Variants in IQSEC3 observed in about 807,000 individuals in gnomAD.
IQSEC3 encodes IQ motif and SEC7 domain-containing protein 3.
Under a neutral mutation model 105.4 loss-of-function variants are expected in IQSEC3, and 50 were observed. The observed-to-expected ratio is 0.47, with a 90% CI of 0.38 to 0.60. IQSEC3 has a LOEUF of 0.60. Ranked by LOEUF, IQSEC3 falls within the 20% of genes least tolerant of loss-of-function variation. The probability of loss-of-function intolerance (pLI) is 0.00; values close to 1 mark genes in which losing one functional copy is unlikely to be tolerated. For missense variants in IQSEC3, 1,415 were observed against 1,630.0 expected (o/e 0.87, Z 2.27); for synonymous variants, 708 against 746.0 (o/e 0.95, Z 0.83).
chr12:133,717 T>C (rs1351199810), intron 3 of IQSEC3, among the ~76,000 whole-genome samples: 1 of 150,132 alleles, frequency 6.7e-6, no homozygotes, highest in Non-Finnish European at 1.5e-5. Flanking sequence ...CATTTGCTCC[T>C]GGAGTGAGGC....
intron 1 of IQSEC3, among the ~76,000 whole-genome samples, chr12:90,366 T>C (rs7294904): frequency 0.58 from 88,897 of 152,112 alleles, 26,945 homozygotes; most frequent in African/African-American, 0.68. Flanking sequence ...TTTTGTTTCG[T>C]GGCTTGTGCT....
At position 165,763 on chromosome 12, in the gene IQSEC3, C is replaced by G. The variant is rs782297475; in HGVS notation, c.2844C>G (p.Leu948=). Residue 948 remains leucine, a synonymous_variant, in exon 11 of 14, where the codon CTC becomes CTG. Transcript: ENST00000538872. ...ATGGCATCACACTGGTGACCCCGCT[C>G]TCGGGCTCCGAGAAGAAGCAGGTGC... ...YSHGITLVTP[L]SGSEKKQVLH... is the part of the protein sequence containing the mutation. 6.2e-7 allele frequency: 1 copy of G among 1,613,942 alleles called. No individual in the cohort carries two copies. Among genetic ancestry groups the G allele is most frequent in the Non-Finnish European group, 8.5e-7 (1 of 1,180,036 alleles).
At chr12:159,617 T>C (rs1350563465) in intron 7 of IQSEC3, among the ~76,000 whole-genome samples, 4 of 152,202 alleles carry the variant, frequency 2.6e-5, no homozygotes, top group African/African-American at 9.7e-5. Flanking sequence ...GCTGGCCTTT[T>C]GTCTGTTACT....
chr12:123,453 T>C (rs892759723), intron 2 of IQSEC3, among the ~76,000 whole-genome samples: 5 of 151,994 alleles, frequency 3.3e-5, no homozygotes, highest in Non-Finnish European at 7.4e-5. Context: ...AAATAAATAA[T>C]AATTTTAAAA....
chr12:120,399 A>G (rs1555081675), intron 2 of IQSEC3, among the ~76,000 whole-genome samples: 1 of 152,290 alleles, frequency 6.6e-6, no homozygotes. Context: ...GGATGAGGGT[A>G]GAAAGGGAGA....
At position 139,155 on chromosome 12, in the gene IQSEC3, A is replaced by G; in HGVS notation, c.1792A>G (p.Ser598Gly). The stretch of plus-strand genomic sequence containing the variant: ...CGAGGCAGGCGACTTGGAGCAGCTG[A>G]GCAGCAGCAGCACGTCCACCAAGTC... Reference protein sequence around the residue: ...EAEAGDLEQLSSSSTSTKSAK... With the variant: ...EAEAGDLEQLGSSSTSTKSAK... The change falls in exon 4 of 14, where the codon AGC becomes GGC. Residue 598 changes from serine to glycine, a missense_variant. By Grantham distance (56) the Ser-to-Gly change is moderately conservative. This residue lies in a region of IQSEC3 where 720 missense variants were observed against 633.0 expected (regional missense o/e 1.14). Coordinates refer to ENST00000538872, the MANE Select transcript of IQSEC3 (RefSeq NM_001170738.2). The G allele has an allele frequency of 6.4e-7, 1 of 1,555,426 alleles. No individual in the cohort carries two copies. The highest frequency in any genetic ancestry group is 1.2e-5 in the South Asian group (1 of 84,494).
intron 2 of IQSEC3, among the ~76,000 whole-genome samples, chr12:118,886 G>A (rs1369054433): frequency 2.0e-5 from 3 of 152,218 alleles, no homozygotes; most frequent in African/African-American, 4.8e-5. Flanking sequence ...AGCCCAGAGA[G>A]GCTCACTACC....
chr12:176,415 G>A lies in IQSEC3; in HGVS notation c.*1382G>A, dbSNP rs573015840. On this transcript the variant is annotated 3_prime_UTR_variant, in exon 14 of 14. Transcript: ENST00000538872. The surrounding 1 kb of genome is among the most constrained non-coding windows in gnomAD (Gnocchi z 4.0). ...CCAAGCCTGGCCAGGCTCCAGTCCTGTGCCAGTAGCTCACTGCTGTCCTAT... is the reference window on the plus strand; with the variant it reads ...CCAAGCCTGGCCAGGCTCCAGTCCTATGCCAGTAGCTCACTGCTGTCCTAT... 55 of 152,432 alleles carry A rather than the reference G, an allele frequency of 3.6e-4. No homozygotes were observed. The highest frequency in any genetic ancestry group is 1.3e-3 in the African/African-American group (54 of 41,558). 9.4% of individuals were successfully genotyped at this position (152,432 alleles called of 1,614,324 possible). A position where few individuals can be genotyped will look rare whatever the true frequency, so the allele number is the denominator to read the frequency against.
chr12:136,551 C>G (rs61450164), intron 3 of IQSEC3, among the ~76,000 whole-genome samples: 8,447 of 152,198 alleles, frequency 0.056, 287 homozygotes, highest in East Asian at 0.15. Flanking sequence ...TATGGCCTTT[C>G]TATCTGTACC....
intron 1 of IQSEC3, among the ~76,000 whole-genome samples, chr12:91,774 C>A (rs1413186855): frequency 2.0e-5 from 3 of 151,950 alleles, no homozygotes; most frequent in East Asian, 3.9e-4. Flanking sequence ...GAGTGAGACC[C>A]TGTCTCAAAA....
chr12:130,303 C>A (rs534985459), intron 3 of IQSEC3, among the ~76,000 whole-genome samples: 1 of 152,226 alleles, frequency 6.6e-6, no homozygotes, highest in South Asian at 2.1e-4. Context: ...GTTATCTCCC[C>A]GGGTCTGCAC....
At chr12:98,721 G>A (rs782462204) in intron 1 of IQSEC3, among the ~76,000 whole-genome samples, 2 of 152,206 alleles carry the variant, frequency 1.3e-5, no homozygotes, top group Non-Finnish European at 2.9e-5. Context: ...TTCACTGCAC[G>A]CAATTCTGTG....
intron 2 of IQSEC3, among the ~76,000 whole-genome samples, chr12:107,402 CT>C (rs58053657): frequency 5.4e-3 from 408 of 75,968 alleles, no homozygotes; most frequent in Middle Eastern, 0.017. Context: ...AGTCTGTTTT[CT>C]TTTTTTTTTT....
chr12:102,755 C>A (rs531064178), intron 2 of IQSEC3, among the ~76,000 whole-genome samples: 98 of 152,312 alleles, frequency 6.4e-4, no homozygotes, highest in African/African-American at 2.3e-3. Flanking sequence ...GTGGGAACAC[C>A]TGAAATTGAG....
rs543667807 is a variant in IQSEC3, at chr12:100,530, C to A, written c.623+1316C>A. The stretch of plus-strand genomic sequence containing the variant: ...GCCTCATAGGGGAGCCAGCAGAGGT[C>A]AGAGAAAGAGGCGGGGCTCTGAGGA... On this transcript the variant is annotated intron_variant, in intron 2 of 13. Transcript: ENST00000538872. Among the ~76,000 whole-genome samples, 7 of 152,240 alleles carry A rather than the reference C, an allele frequency of 4.6e-5. No homozygotes were observed. The East Asian group carries it at 1.4e-3, about 29-fold the overall frequency.
chr12:101,835 T>C (rs377493127), intron 2 of IQSEC3, among the ~76,000 whole-genome samples: 127 of 152,142 alleles, frequency 8.3e-4, no homozygotes, highest in African/African-American at 3.1e-3. Context: ...CTAAGATAAG[T>C]TTTCCCTGAT....
At chr12:77,730 G>A (rs1362443833) in intron 1 of IQSEC3, 1 of 277,348 alleles carries the variant, frequency 3.6e-6, no homozygotes, top group Non-Finnish European at 5.5e-6. Context: ...CGTAAAACCC[G>A]GGAGCAGCAG....
intron 5 of IQSEC3, 65 bp from the exon 6 acceptor site, chr12:156,960 G>A (rs573417150): frequency 7.6e-6 from 11 of 1,444,802 alleles, no homozygotes; most frequent in African/African-American, 4.3e-5. Flanking sequence ...AGAGGCCAGC[G>A]AGAATGGGTG....
rs559136277 is a variant in IQSEC3, at chr12:83,025, A to T, written c.554+15589A>T. On this transcript the variant is annotated intron_variant, in intron 1 of 13. Coordinates refer to ENST00000538872, the MANE Select transcript of IQSEC3 (RefSeq NM_001170738.2). The stretch of plus-strand genomic sequence containing the variant: ...AGTTCCCTGCTGGAAAACCATCAGG[A>T]TATATCAGCCTGGGCACACTCACTT... Among the ~76,000 whole-genome samples, 201 of 152,336 alleles carry T rather than the reference A, an allele frequency of 1.3e-3. 1 individual carries two copies. Among genetic ancestry groups the T allele is most frequent in the African/African-American group, 4.4e-3 (185 of 41,576 alleles).
Sources: gnomAD v4.1 joint callset for allele counts (sites outside exome capture counted in the v4.1 genomes callset) on GRCh38, gnomAD v4.1.1 for gene constraint, gnomAD v4.1.1 regional missense constraint, Gnocchi (gnomAD v3.1) non-coding constraint, MANE v1.5 for transcripts, NCBI Gene and HGNC (gene_info 2026-07-23, HGNC 2026-07-21) for gene names.